The following TENM3 variants were observed in gnomAD, a reference collection of about 807,000 sequenced individuals.
TENM3 encodes the protein teneurin transmembrane protein 3, also known as teneurin-3.
A neutral mutation model predicts 255.1 loss-of-function variants in TENM3; 63 were observed. That is an observed-to-expected ratio of 0.25 (90% CI 0.20 to 0.30). The LOEUF is 0.30. Ranked by LOEUF, TENM3 falls within the 10% of genes least tolerant of loss-of-function variation. The pLI, the probability that TENM3 is intolerant of heterozygous loss-of-function variation, is 1.00. For synonymous variants in TENM3, 1,306 were observed against 1,322.3 expected (o/e 0.99, Z 0.27); for missense variants, 2,929 against 3,461.1 (o/e 0.85, Z 3.86).
chr4:181,916,824 C>T, the TENM3 span, among the ~76,000 whole-genome samples: 1 of 151,932 alleles, frequency 6.6e-6, no homozygotes, highest in Non-Finnish European at 1.5e-5. Context: ...TTGCAGTGGC[C>T]GGGATCGCGC....
chr4:182,410,915 T>C (rs1769937112), intron 3 of TENM3, among the ~76,000 whole-genome samples: 1 of 152,240 alleles, frequency 6.6e-6, no homozygotes, highest in Non-Finnish European at 1.5e-5. Context: ...TTCCTTAAGA[T>C]GTACATTTCC....
chr4:182,320,829 C>A lies in TENM3; in HGVS notation c.-75-3117C>A, dbSNP rs529423165. On this transcript the variant is annotated intron_variant, in intron 1 of 27. Transcript: ENST00000511685. ...TTACTTACAAAAACAGGTGGTGGATCCGATTTGGCTGGCAGAGTTTGCCAG... is the reference window on the plus strand; with the variant it reads ...TTACTTACAAAAACAGGTGGTGGATACGATTTGGCTGGCAGAGTTTGCCAG... Among the ~76,000 whole-genome samples, 6 of 152,208 alleles carry A rather than the reference C, an allele frequency of 3.9e-5. No individual in the cohort carries two copies. In the East Asian group the frequency reaches 1.2e-3, roughly 30 times the overall value.
chr4:182,434,555 C>T (rs767766991), intron 3 of TENM3, among the ~76,000 whole-genome samples: 3 of 151,124 alleles, frequency 2.0e-5, no homozygotes, highest in Middle Eastern at 3.4e-3. Context: ...CTCAGCTACT[C>T]GGGAGTCTGA....
intron 3 of TENM3, among the ~76,000 whole-genome samples, chr4:182,471,467 G>T (rs1382017454): frequency 6.6e-6 from 1 of 152,164 alleles, no homozygotes; most frequent in Non-Finnish European, 1.5e-5. Context: ...AACCTGTACA[G>T]CAGAGTACTC....
At chr4:182,048,881 A>G in the TENM3 span, among the ~76,000 whole-genome samples, 1 of 152,200 alleles carries the variant, frequency 6.6e-6, no homozygotes, top group African/African-American at 2.4e-5. Context: ...ACCTCATTGT[A>G]AATGGTGTTA....
chr4:182,263,797 A>G (rs903172920), intron 1 of TENM3, among the ~76,000 whole-genome samples: 1 of 152,168 alleles, frequency 6.6e-6, no homozygotes, highest in Non-Finnish European at 1.5e-5. Context: ...GAAACTCTTA[A>G]GTCAGAGGTT....
intron 1 of TENM3, among the ~76,000 whole-genome samples, chr4:182,322,738 CA>C (rs1763135634): frequency 6.6e-6 from 1 of 152,106 alleles, no homozygotes; most frequent in South Asian, 2.1e-4. Context: ...GAGACAGAGA[CA>C]GACCAAGACT....
At chr4:182,241,401 C>G (rs61151606), upstream of TENM3, among the ~76,000 whole-genome samples, 1,278 of 152,212 alleles carry the variant, frequency 8.4e-3, 16 homozygotes, top group African/African-American at 0.03. Flanking sequence ...AGTGGTGCCC[C>G]CTCTACCTGG....
chr4:181,813,761 A>G, the TENM3 span, among the ~76,000 whole-genome samples: 1 of 152,162 alleles, frequency 6.6e-6, no homozygotes, highest in African/African-American at 2.4e-5. Flanking sequence ...AATTCGGGGG[A>G]AAAGACAAAG....
At chr4:182,787,616 C>T (rs536507688) in intron 24 of TENM3, among the ~76,000 whole-genome samples, 111 of 151,906 alleles carry the variant, frequency 7.3e-4, no homozygotes, top group African/African-American at 2.3e-3. Context: ...CGCCTGTAAT[C>T]CCAGCTACTC....
the TENM3 span, among the ~76,000 whole-genome samples, chr4:181,877,348 T>TA: frequency 6.6e-6 from 1 of 152,150 alleles, no homozygotes; most frequent in African/African-American, 2.4e-5. Context: ...AGGTTGGATA[T>TA]AAAAAATAAG....
At chr4:182,544,545 G>A (rs141418488) in intron 3 of TENM3, among the ~76,000 whole-genome samples, 2,001 of 151,972 alleles carry the variant, frequency 0.013, 23 homozygotes, top group Middle Eastern at 0.031. Flanking sequence ...TGGCCAGGCT[G>A]GTCTTGAACT....
At chr4:182,662,066 GT>G (rs1289603124) in intron 6 of TENM3, among the ~76,000 whole-genome samples, 1 of 152,064 alleles carries the variant, frequency 6.6e-6, no homozygotes, top group Non-Finnish European at 1.5e-5. Context: ...CAGCATCTCG[GT>G]TGGTAAACTA....
chr4:182,246,595 A>C (rs1757665981), intron 1 of TENM3, among the ~76,000 whole-genome samples: 1 of 152,222 alleles, frequency 6.6e-6, no homozygotes. Context: ...CCATCACGTA[A>C]GAATGTGTCT....
chr4:181,913,822 T>G, the TENM3 span, among the ~76,000 whole-genome samples: 1 of 152,184 alleles, frequency 6.6e-6, no homozygotes, highest in Non-Finnish European at 1.5e-5. Flanking sequence ...AATTTGTCTC[T>G]CTCTTGGATT....
chr4:182,053,806 T>C, the TENM3 span, among the ~76,000 whole-genome samples: 2 of 152,172 alleles, frequency 1.3e-5, no homozygotes, highest in Admixed American at 1.3e-4. Flanking sequence ...TGGCCTGATA[T>C]GAACCTTCAC....
At chr4:182,005,585 G>GT in the TENM3 span, among the ~76,000 whole-genome samples, 2 of 152,090 alleles carry the variant, frequency 1.3e-5, no homozygotes, top group African/African-American at 4.8e-5. Flanking sequence ...ATTTAAAATA[G>GT]TTTTTTCTAA....
intron 2 of TENM3, among the ~76,000 whole-genome samples, chr4:182,326,300 TC>T (rs1002036472): frequency 5.9e-5 from 9 of 152,146 alleles, no homozygotes; most frequent in Non-Finnish European, 8.8e-5. Flanking sequence ...GTGAGGCAGC[TC>T]CCCTGGTGAG....
chr4:182,150,528 A>G (rs1750267854), intron 1 of TENM3, among the ~76,000 whole-genome samples: 2 of 151,658 alleles, frequency 1.3e-5, no homozygotes, highest in South Asian at 4.2e-4. Context: ...GCTTATACTG[A>G]TGGAAAAAAG....
Sources: allele counts gnomAD v4.1 joint callset (sites outside exome capture counted in the v4.1 genomes callset), GRCh38; gene constraint gnomAD v4.1.1; transcripts MANE v1.5; gene names NCBI Gene and HGNC (gene_info 2026-07-23, HGNC 2026-07-21).